Variants in DDOST observed in about 807,000 individuals in gnomAD.
The protein encoded by DDOST is dolichyl-diphosphooligosaccharide--protein glycosyltransferase 48 kDa subunit.
A neutral mutation model predicts 47.6 loss-of-function variants in DDOST; 25 were observed. The observed-to-expected ratio is 0.53, with a 90% CI of 0.38 to 0.73. The LOEUF (loss-of-function observed/expected upper bound fraction) is 0.73, where lower values mean the gene tolerates loss of function less well. Ranked by LOEUF, DDOST falls within the 30% of genes least tolerant of loss-of-function variation. The pLI is 0.00. For synonymous variants in DDOST, 275 were observed against 236.0 expected (o/e 1.17, Z -1.51); for missense variants, 526 against 573.9 (o/e 0.92, Z 0.85).
At chr1:20,655,162 CTT>C (rs757852250) in intron 5 of DDOST, among the ~76,000 whole-genome samples, 17,650 of 86,900 alleles carry the variant, frequency 0.2, 1,104 homozygotes, top group Non-Finnish European at 0.22. Context: ...GCTCGGCCAA[CTT>C]TTTTTTGTTT....
At chr1:20,653,938 C>T (rs939045700) in intron 7 of DDOST, among the ~76,000 whole-genome samples, 164 bp from the exon 8 acceptor site, 2 of 152,130 alleles carry the variant, frequency 1.3e-5, no homozygotes, top group Non-Finnish European at 1.5e-5. Flanking sequence ...AGGAAACAAA[C>T]GAAAAGATAT....
chr1:20,656,222 TCTC>T (rs1248686944), intron 2 of DDOST, 35 bp from the exon 3 acceptor site: 2 of 1,547,300 alleles, frequency 1.3e-6, no homozygotes, highest in Admixed American at 3.3e-5. Flanking sequence ...GACCCAGAGG[TCTC>T]CTCTCCCTGC....
At chr1:20,654,836 TTGATA>T (rs2053350216) in intron 5 of DDOST, 129 bp from the exon 6 acceptor site, 2 of 663,136 alleles carry the variant, frequency 3.0e-6, no homozygotes, top group Non-Finnish European at 5.3e-6. Context: ...AGCTCTTGTC[TTGATA>T]TAACAATGGA....
At chr1:20,659,308 TCCCA>T (rs1373503683) in intron 2 of DDOST, among the ~76,000 whole-genome samples, 2 of 152,160 alleles carry the variant, frequency 1.3e-5, no homozygotes, top group Admixed American at 6.5e-5. Flanking sequence ...CTGTCGTTTC[TCCCA>T]CCAACAGTAT....
intron 3 of DDOST, 134 bp downstream of exon 3, chr1:20,655,967 T>C (rs1257322059): frequency 4.6e-6 from 4 of 864,234 alleles, no homozygotes; most frequent in Non-Finnish European, 5.7e-6. Flanking sequence ...GATTCTGAAC[T>C]GAGAAAACGG....
At chr1:20,654,554 G>C in intron 6 of DDOST, 60 bp downstream of exon 6, 1 of 1,471,650 alleles carries the variant, frequency 6.8e-7, no homozygotes, top group Non-Finnish European at 9.3e-7. Context: ...CTTCGCCTCA[G>C]CCAAATGTGC....
At position 20,656,098 on chromosome 1, in the gene DDOST, C is replaced by A. The variant is rs973660791; in HGVS notation, c.352+3G>T. 3 of 1,612,738 alleles carry A rather than the reference C, an allele frequency of 1.9e-6. No homozygotes were observed. In the African/African-American group the frequency reaches 4.0e-5, roughly 22 times the overall value. On this transcript the variant is annotated splice_donor_region_variant and intron_variant, in intron 3 of 10. Coordinates refer to ENST00000602624, the MANE Select transcript of DDOST (RefSeq NM_005216.5). ...GCACCAGAACCTCCCAGGTCGGACT[C>A]ACCAATGTCGGAGCTGGCAGCTACC... is the stretch of plus-strand genomic sequence containing the variant.
Position 20,651,801 on chromosome 1 carries a change from T to TTTTTATTTATTTATTTATTTA in DDOST, c.*577_*578insTAAATAAATAAATAAATAAAA. 1 of 147,210 alleles carries TTTTTATTTATTTATTTATTTA rather than the reference T, an allele frequency of 6.8e-6. No individual in the cohort carries two copies. Among genetic ancestry groups the TTTTTATTTATTTATTTATTTA allele is most frequent in the Non-Finnish European group, 1.5e-5 (1 of 67,130 alleles). 9.1% of individuals were successfully genotyped at this position (147,210 alleles called of 1,614,324 possible). A position where few individuals can be genotyped will look rare whatever the true frequency, so the allele number is the denominator to read the frequency against. Reference sequence around the variant, plus strand: ...GTTTGAGGGCAACATCTCGCTTTATTTTTATTTATTTATTTATTTATTTAT... The same window carrying TTTTTATTTATTTATTTATTTA: ...GTTTGAGGGCAACATCTCGCTTTATTTTTTATTTATTTATTTATTTATTTATTTATTTATTTATTTATTTAT... On this transcript the variant is annotated 3_prime_UTR_variant, in exon 11 of 11. Coordinates refer to ENST00000602624, the MANE Select transcript of DDOST (RefSeq NM_005216.5).
At chr1:20,656,217 A>T (rs2053371156) in intron 2 of DDOST, 30 bp from the exon 3 acceptor site, 1 of 1,572,102 alleles carries the variant, frequency 6.4e-7, no homozygotes, top group Non-Finnish European at 8.8e-7. Context: ...ACAGTGACCC[A>T]GAGGTCTCCT....
In DDOST at chr1:20,661,041, C is replaced by A. The variant is rs1464314092; in HGVS notation, c.155-50G>T. The A allele has an allele frequency of 4.0e-6, 6 of 1,517,382 alleles. No homozygotes were observed. The South Asian group carries it at 5.7e-5, about 14-fold the overall frequency. The allele number at this position is 1,517,382 out of a possible 1,614,324, so 94.0% of individuals were successfully genotyped here. A position where few individuals can be genotyped will look rare whatever the true frequency, so the allele number is the denominator to read the frequency against. Reference sequence around the variant, plus strand: ...GAGGAAGACGGGACGCGAAGGGAAACCCCTGCTGCAGACATCGCGGACCCG... The same window carrying A: ...GAGGAAGACGGGACGCGAAGGGAAAACCCTGCTGCAGACATCGCGGACCCG... On this transcript the variant is annotated intron_variant, in intron 1 of 10. Transcript: ENST00000602624.
At chr1:20,653,953 G>T (rs1469880802) in intron 7 of DDOST, among the ~76,000 whole-genome samples, 179 bp from the exon 8 acceptor site, 3 of 152,154 alleles carry the variant, frequency 2.0e-5, no homozygotes, top group African/African-American at 7.2e-5. Context: ...AGATATGGCT[G>T]GTTGCTTGTC....
intron 5 of DDOST, among the ~76,000 whole-genome samples, chr1:20,655,171 GTTTTT>G (rs869053335): frequency 1.3e-5 from 1 of 77,236 alleles, no homozygotes; most frequent in African/African-American, 4.9e-5. Context: ...ACTTTTTTTT[GTTTTT>G]TTTTTTTTTT....
rs746460238 is a variant in DDOST at position 20,654,591 on chromosome 1, C to G, written c.645+23G>C. 3.9e-6 allele frequency: 6 copies of G among 1,539,548 alleles called. No individual in the cohort carries two copies. In the African/African-American group the frequency reaches 5.5e-5, roughly 14 times the overall value. On this transcript the variant is annotated intron_variant, in intron 6 of 10. Transcript: ENST00000602624. ...GTTCTGCTTCATTTTTATTTCGAAG[C>G]CTCAAGGTTGTGAAGCCCTTACCTG... is the stretch of plus-strand genomic sequence containing the variant.
intron 9 of DDOST, 33 bp from the exon 10 acceptor site, chr1:20,652,760 G>T (rs2053310000): frequency 2.5e-6 from 4 of 1,613,566 alleles, no homozygotes; most frequent in Non-Finnish European, 3.4e-6. Flanking sequence ...AACCGGGAGG[G>T]GTTTCCCAGA....
chr1:20,653,600 G>C lies in DDOST; in HGVS notation c.942+27C>G, dbSNP rs768049045. ...CTCAGTCAGCTTGGCAAACCCTTTG[G>C]GCCCTCCCACCCCAAACATCTCTTA... On this transcript the variant is annotated intron_variant, in intron 8 of 10. Transcript: ENST00000602624. 3.2e-6 allele frequency: 5 copies of C among 1,554,554 alleles called. No homozygotes were observed. The Admixed American group carries it at 9.4e-5, about 29-fold the overall frequency.
rs150110141 is a variant in DDOST, at chr1:20,661,266, G to C, written c.85C>G (p.Arg29Gly). 6.2e-7 allele frequency: 1 copy of C among 1,614,008 alleles called. No homozygotes were observed. Reference protein sequence around the residue: ...LLGAVCASGPRTLVLLDNLNV... With the variant: ...LLGAVCASGPGTLVLLDNLNV... ...AGGTTGTCCAGCAGCACTAAGGTGCGGGGTCCGCTGGCGCAAACCGCGCCA... is the reference window on the plus strand; with the variant it reads ...AGGTTGTCCAGCAGCACTAAGGTGCCGGGTCCGCTGGCGCAAACCGCGCCA... The change falls in exon 1 of 11, where the codon CGC becomes GGC. Residue 29 changes from arginine (R) to glycine (G), a missense_variant. Coordinates refer to ENST00000602624, the MANE Select transcript of DDOST (RefSeq NM_005216.5).
rs199990086 is a variant in DDOST at position 20,651,799 on chromosome 1, A to AT, written c.*579dup. ...AAGTTTGAGGGCAACATCTCGCTTTATTTTTATTTATTTATTTATTTATTT... is the reference window on the plus strand; with the variant it reads ...AAGTTTGAGGGCAACATCTCGCTTTATTTTTTATTTATTTATTTATTTATTT... On this transcript the variant is annotated 3_prime_UTR_variant, in exon 11 of 11. Coordinates refer to ENST00000602624, the MANE Select transcript of DDOST (RefSeq NM_005216.5). 8.4e-6 allele frequency: 1 copy of AT among 119,212 alleles called. No homozygotes were observed. Among genetic ancestry groups the AT allele is most frequent in the South Asian group, 2.9e-4 (1 of 3,488 alleles). The allele number at this position is 119,212 out of a possible 1,614,324, so 7.4% of individuals were successfully genotyped here.
Position 20,652,849 on chromosome 1 carries a change from A to T in DDOST, c.1063+2T>A. On this transcript the variant is annotated splice_donor_variant, in intron 9 of 10. Coordinates refer to ENST00000602624, the MANE Select transcript of DDOST (RefSeq NM_005216.5). LOFTEE classifies it high-confidence loss of function. ...GCATCCTCGTGCAGGAACTACACTC[A>T]CCTTTCTTCTTCAGGAAGGTCCTCA... The T allele has an allele frequency of 1.2e-6, 2 of 1,614,062 alleles. No individual in the cohort carries two copies. Among genetic ancestry groups the T allele is most frequent in the Non-Finnish European group, 1.7e-6 (2 of 1,180,010 alleles).
intron 3 of DDOST, 48 bp from the exon 4 acceptor site, chr1:20,655,827 T>A: frequency 6.7e-7 from 1 of 1,496,812 alleles, no homozygotes; most frequent in Non-Finnish European, 9.3e-7. Context: ...AGGGGGGCCT[T>A]GGGCCAAGTG....
Sources: allele counts gnomAD v4.1 joint callset (sites outside exome capture counted in the v4.1 genomes callset), GRCh38; gene constraint gnomAD v4.1.1; transcripts MANE v1.5; gene names NCBI Gene and HGNC (gene_info 2026-07-23, HGNC 2026-07-21).